Variants in LRRC20 observed in about 807,000 individuals in gnomAD.
The protein encoded by LRRC20 is leucine rich repeat containing 20.
A neutral mutation model predicts 14.4 loss-of-function variants in LRRC20; 11 were observed. That is an observed-to-expected ratio of 0.77 (90% CI 0.48 to 1.27). The LOEUF (loss-of-function observed/expected upper bound fraction) is 1.27, where lower values mean the gene tolerates loss of function less well. LRRC20 is among the 50% of genes most tolerant of loss of function. The pLI, the probability that LRRC20 is intolerant of heterozygous loss-of-function variation, is 0.00. For missense variants in LRRC20, 219 were observed against 251.2 expected, an observed-to-expected ratio of 0.87 and a Z score of 0.87; for synonymous variants, 121 against 107.3, an observed-to-expected ratio of 1.13 and a Z score of -0.79.
At chr10:70,332,413 A>G (rs758095443) in intron 3 of LRRC20, among the ~76,000 whole-genome samples, 9 of 152,234 alleles carry the variant, frequency 5.9e-5, no homozygotes, top group Non-Finnish European at 1.2e-4. Context: ...GGAGGCTGAG[A>G]CAGGCGGATC....
In LRRC20 at chr10:70,361,432, C is replaced by T. The variant is rs115120414; in HGVS notation, c.82+15020G>A. Among the ~76,000 whole-genome samples, 1,340 of 152,232 alleles carry T rather than the reference C, an allele frequency of 8.8e-3. 27 individuals are homozygous for T. The highest frequency in any genetic ancestry group is 0.023 in the African/African-American group (941 of 41,514). On this transcript the variant is annotated intron_variant, in intron 2 of 4. Transcript: ENST00000446961. Reference sequence around the variant, plus strand: ...GATAACTGCCCTCAAGAAAACAAAACGGTATAATGGGAGAGCAGGTAACTG... The same window carrying T: ...GATAACTGCCCTCAAGAAAACAAAATGGTATAATGGGAGAGCAGGTAACTG...
At chr10:70,367,146 G>C (rs1022799401) in intron 2 of LRRC20, among the ~76,000 whole-genome samples, 1 of 151,850 alleles carries the variant, frequency 6.6e-6, no homozygotes, top group African/African-American at 2.4e-5. Flanking sequence ...CCAACACAGG[G>C]AGACCCCATC....
intron 3 of LRRC20, among the ~76,000 whole-genome samples, chr10:70,332,038 A>T (rs569220498): frequency 6.6e-6 from 1 of 152,250 alleles, no homozygotes; most frequent in South Asian, 2.1e-4. Context: ...CAACTCCAAA[A>T]ATACCTGCTC....
intron 2 of LRRC20, among the ~76,000 whole-genome samples, chr10:70,375,111 G>A (rs1844458382): frequency 6.6e-6 from 1 of 152,120 alleles, no homozygotes; most frequent in African/African-American, 2.4e-5. Context: ...GACCAGTACA[G>A]GATTCCGGAA....
At chr10:70,373,883 T>A (rs1325967869) in intron 2 of LRRC20, among the ~76,000 whole-genome samples, 3 of 152,174 alleles carry the variant, frequency 2.0e-5, no homozygotes, top group African/African-American at 7.2e-5. Flanking sequence ...CCTTGGTGGG[T>A]ATGGCTCCCA....
At chr10:70,337,431 G>A (rs769170545) in intron 3 of LRRC20, among the ~76,000 whole-genome samples, 23 of 152,208 alleles carry the variant, frequency 1.5e-4, no homozygotes, top group Non-Finnish European at 2.8e-4. Flanking sequence ...TTTGTGATTT[G>A]AGGCAGCGTG....
intron 1 of LRRC20, 22 bp downstream of exon 1, chr10:70,382,527 G>T (rs1844749953): frequency 6.6e-6 from 1 of 152,210 alleles, no homozygotes; most frequent in Non-Finnish European, 1.5e-5. Flanking sequence ...TCCCGCTCCG[G>T]GCCGCTTTTG....
intron 4 of LRRC20, among the ~76,000 whole-genome samples, chr10:70,320,814 A>G (rs1842049936): frequency 6.6e-6 from 1 of 152,216 alleles, no homozygotes; most frequent in East Asian, 1.9e-4. Context: ...CAGAAAGCAG[A>G]CAGAAGTATC....
At chr10:70,346,098 C>G (rs1177671632) in intron 2 of LRRC20, among the ~76,000 whole-genome samples, 1 of 152,106 alleles carries the variant, frequency 6.6e-6, no homozygotes, top group Non-Finnish European at 1.5e-5. Context: ...ACTAAAAATA[C>G]AAAATTTAGC....
At chr10:70,323,540 G>A (rs1425525121) in intron 4 of LRRC20, among the ~76,000 whole-genome samples, 13 of 152,326 alleles carry the variant, frequency 8.5e-5, no homozygotes, top group African/African-American at 2.6e-4. Flanking sequence ...GGCCAGAGCC[G>A]AAGGGTCTGA....
intron 4 of LRRC20, 110 bp downstream of exon 4, chr10:70,323,753 G>A: frequency 7.9e-7 from 1 of 1,267,010 alleles, no homozygotes; most frequent in Admixed American, 2.1e-5. Context: ...AGGCATCTCA[G>A]ACAGAAAGCC....
chr10:70,329,773 C>T (rs1842467355), intron 3 of LRRC20, among the ~76,000 whole-genome samples: 1 of 152,108 alleles, frequency 6.6e-6, no homozygotes. Context: ...CCATGTTGCC[C>T]AGGCTGGTCT....
intron 2 of LRRC20, among the ~76,000 whole-genome samples, chr10:70,347,167 A>G (rs1564632507): frequency 6.7e-6 from 1 of 149,022 alleles, no homozygotes; most frequent in Non-Finnish European, 1.5e-5. Context: ...GTTAACTTTT[A>G]TTGGAAAAAA....
intron 4 of LRRC20, among the ~76,000 whole-genome samples, chr10:70,315,665 C>G (rs1014895840): frequency 1.1e-4 from 16 of 152,204 alleles, no homozygotes; most frequent in Admixed American, 3.9e-4. Context: ...AGACGCCCCC[C>G]CACAGAGGAT....
intron 3 of LRRC20, among the ~76,000 whole-genome samples, chr10:70,329,458 C>T (rs1431836293): frequency 6.6e-6 from 1 of 152,074 alleles, no homozygotes; most frequent in Non-Finnish European, 1.5e-5. Context: ...ATGCTCTTTA[C>T]CAAGTTGAGG....
intron 3 of LRRC20, among the ~76,000 whole-genome samples, chr10:70,326,950 C>T (rs964857750): frequency 6.6e-6 from 1 of 152,216 alleles, no homozygotes; most frequent in Non-Finnish European, 1.5e-5. Context: ...TGAGCCACCG[C>T]GCCCGGCAGA....
In LRRC20 at chr10:70,315,186, C is replaced by A. The variant is rs923535906; in HGVS notation, c.400+8677G>T. On this transcript the variant is annotated intron_variant, in intron 4 of 4. Coordinates refer to ENST00000446961, the MANE Select transcript of LRRC20 (RefSeq NM_001278212.2). ...TGTGCAGCAAATGGTCACTAGTGCA[C>A]GGGACAATGCCAGGAGCTCCATGAG... is the stretch of plus-strand genomic sequence containing the variant. Among the ~76,000 whole-genome samples the A allele has an allele frequency of 3.3e-5, 5 of 152,130 alleles. No individual in the cohort carries two copies. In the East Asian group the frequency reaches 7.7e-4, roughly 23 times the overall value.
At chr10:70,328,522 C>T (rs1422412427) in intron 3 of LRRC20, among the ~76,000 whole-genome samples, 1 of 152,196 alleles carries the variant, frequency 6.6e-6, no homozygotes, top group African/African-American at 2.4e-5. Context: ...GTCTCGAACT[C>T]CTGACCACAG....
intron 4 of LRRC20, among the ~76,000 whole-genome samples, chr10:70,313,037 C>A (rs1841728108): frequency 6.6e-6 from 1 of 152,230 alleles, no homozygotes; most frequent in Non-Finnish European, 1.5e-5. Context: ...GGGGGCCACC[C>A]ACCACAGCCT....
Sources: gnomAD v4.1 joint callset for allele counts (sites outside exome capture counted in the v4.1 genomes callset) on GRCh38, gnomAD v4.1.1 for gene constraint, MANE v1.5 for transcripts, NCBI Gene and HGNC (gene_info 2026-07-23, HGNC 2026-07-21) for gene names.